Variants in LRMDA observed in about 807,000 individuals in gnomAD.
LRMDA encodes the protein leucine rich melanocyte differentiation associated.
Under a neutral mutation model 29.8 loss-of-function variants are expected in LRMDA, and 18 were observed. The ratio of observed to expected loss-of-function variants is 0.60; its 90% CI spans 0.42 to 0.90. The LOEUF (loss-of-function observed/expected upper bound fraction) is 0.90, where lower values mean the gene tolerates loss of function less well. Ranked by LOEUF, LRMDA falls within the 40% of genes least tolerant of loss-of-function variation. The pLI is 0.00. For missense variants in LRMDA, 273 were observed against 273.9 expected (o/e 1.00, Z 0.02); for synonymous variants, 125 against 109.4 (o/e 1.14, Z -0.89).
At position 76,559,474 on chromosome 10, in the gene LRMDA, T is replaced by A. The variant is rs1398719015; in HGVS notation, c.*2186T>A. 6.6e-6 allele frequency: 1 copy of A among 152,214 alleles called. No individual in the cohort carries two copies. Among genetic ancestry groups the A allele is most frequent in the Non-Finnish European group, 1.5e-5 (1 of 68,040 alleles). 9.4% of individuals were successfully genotyped at this position (152,214 alleles called of 1,614,324 possible). ...GGCCATCACTAAGGTATATTCATCT[T>A]ATTGATAGAATTATAGTCAGCTTTG... is the stretch of plus-strand genomic sequence containing the variant. On this transcript the variant is annotated 3_prime_UTR_variant, in exon 7 of 7. Transcript: ENST00000611255.
chr10:76,385,878 A>T (rs1841653379), intron 6 of LRMDA, among the ~76,000 whole-genome samples: 1 of 152,182 alleles, frequency 6.6e-6, no homozygotes, highest in African/African-American at 2.4e-5. Context: ...ACTTCTTAAT[A>T]TCTCCAGAGT....
intron 6 of LRMDA, among the ~76,000 whole-genome samples, chr10:76,481,218 T>C (rs1401646478): frequency 6.6e-6 from 1 of 151,912 alleles, no homozygotes; most frequent in Non-Finnish European, 1.5e-5. Flanking sequence ...AACTGTAGAC[T>C]TAAAAGAAAA....
chr10:75,644,229 A>G (rs1841488275), intron 2 of LRMDA, among the ~76,000 whole-genome samples: 1 of 152,130 alleles, frequency 6.6e-6, no homozygotes, highest in Non-Finnish European at 1.5e-5. Context: ...CACCTTTGGC[A>G]GTGGCACCGT....
At chr10:75,565,403 G>T (rs1840357694) in intron 2 of LRMDA, among the ~76,000 whole-genome samples, 1 of 152,230 alleles carries the variant, frequency 6.6e-6, no homozygotes, top group Non-Finnish European at 1.5e-5. Flanking sequence ...TGAAATTGTT[G>T]CTCTTGGCCT....
intron 5 of LRMDA, among the ~76,000 whole-genome samples, chr10:76,080,679 G>T (rs1849034995): frequency 6.6e-6 from 1 of 152,180 alleles, no homozygotes; most frequent in Non-Finnish European, 1.5e-5. Context: ...ATAGTGAGTT[G>T]CCCATTATAA....
At chr10:76,515,500 C>T (rs1228214971) in intron 6 of LRMDA, among the ~76,000 whole-genome samples, 2 of 151,898 alleles carry the variant, frequency 1.3e-5, no homozygotes, top group South Asian at 2.1e-4. Flanking sequence ...ACTCTGAATA[C>T]ACGTCTTTTT....
At chr10:75,544,781 AT>A (rs1344537052) in intron 2 of LRMDA, among the ~76,000 whole-genome samples, 1 of 151,880 alleles carries the variant, frequency 6.6e-6, no homozygotes, top group Non-Finnish European at 1.5e-5. Context: ...TTTGAGCTTT[AT>A]TGAGGTATAA....
At chr10:75,773,249 C>G (rs1843267644) in intron 2 of LRMDA, among the ~76,000 whole-genome samples, 1 of 152,180 alleles carries the variant, frequency 6.6e-6, no homozygotes, top group African/African-American at 2.4e-5. Context: ...GGGTCAAAGT[C>G]ACCCCTGGTT....
chr10:75,741,005 AGTTTGTGGG>A (rs1842822099), intron 2 of LRMDA, among the ~76,000 whole-genome samples: 1 of 152,130 alleles, frequency 6.6e-6, no homozygotes, highest in Non-Finnish European at 1.5e-5. Context: ...TTACTTGGCC[AGTTTGTGGG>A]GTGGGGATGG....
intron 5 of LRMDA, among the ~76,000 whole-genome samples, chr10:76,161,784 T>C (rs186991503): frequency 2.0e-5 from 3 of 152,274 alleles, no homozygotes; most frequent in Non-Finnish European, 4.4e-5. Flanking sequence ...TGGTGGCACC[T>C]TAGAAAATTT....
chr10:76,548,786 C>T (rs1301194315), intron 6 of LRMDA, among the ~76,000 whole-genome samples: 2 of 152,192 alleles, frequency 1.3e-5, no homozygotes, highest in Non-Finnish European at 2.9e-5. Context: ...AGCAAAAGTA[C>T]ATTGTCTGTT....
At chr10:76,023,912 G>A (rs1848019225) in intron 2 of LRMDA, among the ~76,000 whole-genome samples, 1 of 152,190 alleles carries the variant, frequency 6.6e-6, no homozygotes, top group African/African-American at 2.4e-5. Context: ...AATTGGTCTA[G>A]GTTTGTCTTC....
chr10:76,279,582 GTTGCCC>G (rs1840177501), intron 5 of LRMDA, among the ~76,000 whole-genome samples: 1 of 84,498 alleles, frequency 1.2e-5, no homozygotes, highest in Non-Finnish European at 2.1e-5. Context: ...TTTCGCTCTT[GTTGCCC>G]AGGCTGGAGT....
chr10:75,491,163 A>G (rs977113166), intron 2 of LRMDA, among the ~76,000 whole-genome samples: 9 of 152,188 alleles, frequency 5.9e-5, no homozygotes, highest in African/African-American at 1.9e-4. Context: ...ATTTGGTTGT[A>G]GGCATTTTAT....
intron 2 of LRMDA, among the ~76,000 whole-genome samples, chr10:75,441,750 T>A (rs1844328974): frequency 6.6e-6 from 1 of 150,606 alleles, no homozygotes; most frequent in Admixed American, 6.6e-5. Context: ...TTAGAATATC[T>A]CTACAGGCTT....
At chr10:76,223,259 A>G (rs910140925) in intron 5 of LRMDA, among the ~76,000 whole-genome samples, 9 of 152,152 alleles carry the variant, frequency 5.9e-5, no homozygotes, top group African/African-American at 2.2e-4. Flanking sequence ...TAAAACTTAA[A>G]GTATAATAAT....
At position 76,487,742 on chromosome 10, in the gene LRMDA, T is replaced by C. The variant is rs118117092; in HGVS notation, c.602-69467T>C. ...GCTCTTTCTATATGCCAAACACAAA[T>C]GATGTTCTAAACATTTTACATAGAT... On this transcript the variant is annotated intron_variant, in intron 6 of 6. Coordinates refer to ENST00000611255, the MANE Select transcript of LRMDA (RefSeq NM_001305581.2). 9.3e-4 allele frequency among the ~76,000 whole-genome samples: 142 copies of C among 151,998 alleles called. 2 individuals carry two copies. In the East Asian group the frequency reaches 0.025, roughly 27 times the overall value.
intron 5 of LRMDA, among the ~76,000 whole-genome samples, chr10:76,255,333 C>T (rs1232122305): frequency 6.6e-6 from 1 of 152,162 alleles, no homozygotes; most frequent in African/African-American, 2.4e-5. Flanking sequence ...CTTAAGTCAG[C>T]AAGGATTTAT....
At chr10:76,378,195 T>A (rs932760309) in intron 6 of LRMDA, among the ~76,000 whole-genome samples, 1 of 152,234 alleles carries the variant, frequency 6.6e-6, no homozygotes, top group Admixed American at 6.5e-5. Context: ...TTGATTATTT[T>A]TGGTGTATAG....
Sources: gnomAD v4.1 joint callset for allele counts (sites outside exome capture counted in the v4.1 genomes callset) on GRCh38, gnomAD v4.1.1 for gene constraint, MANE v1.5 for transcripts, NCBI Gene and HGNC (gene_info 2026-07-23, HGNC 2026-07-21) for gene names.